The following MFHAS1 variants were observed in gnomAD, a reference collection of about 807,000 sequenced individuals.
MFHAS1 encodes the protein malignant fibrous histiocytoma-amplified sequence 1.
Under a neutral mutation model 70.4 loss-of-function variants are expected in MFHAS1, and 50 were observed. The ratio of observed to expected loss-of-function variants is 0.71; its 90% CI spans 0.57 to 0.90. The LOEUF (loss-of-function observed/expected upper bound fraction) is 0.90. Among genes scored for constraint, MFHAS1 ranks in the 40% least tolerant of loss-of-function variants. MFHAS1 has a pLI of 0.00. For missense variants in MFHAS1, 1,795 were observed against 1,347.6 expected (o/e 1.33, Z -5.20); for synonymous variants, 952 against 620.0 (o/e 1.54, Z -7.96).
In MFHAS1 at chr8:8,784,022, AGATATT is replaced by A. The variant is rs1432518007; in HGVS notation, c.*1994_*1999del. 1 of 152,192 alleles carries A rather than the reference AGATATT, an allele frequency of 6.6e-6. No individual in the cohort carries two copies. Among genetic ancestry groups the A allele is most frequent in the Non-Finnish European group, 1.5e-5 (1 of 68,030 alleles). 9.4% of individuals were successfully genotyped at this position (152,192 alleles called of 1,614,324 possible). ...TAAAACATCACTGGTCAAAAATATT[AGATATT>A]AAGAATGTGGGCGTTTATGTTCGTA... is the stretch of plus-strand genomic sequence containing the variant. On this transcript the variant is annotated 3_prime_UTR_variant, in exon 3 of 3. Coordinates refer to ENST00000276282, the MANE Select transcript of MFHAS1 (RefSeq NM_004225.3).
At chr8:8,879,781 C>T (rs968568665) in intron 1 of MFHAS1, among the ~76,000 whole-genome samples, 7 of 152,168 alleles carry the variant, frequency 4.6e-5, no homozygotes, top group Non-Finnish European at 1.5e-5. Flanking sequence ...ATTTTATTTT[C>T]CTAGAACTCC....
At chr8:8,812,197 T>A (rs1806574867) in intron 1 of MFHAS1, among the ~76,000 whole-genome samples, 1 of 152,120 alleles carries the variant, frequency 6.6e-6, no homozygotes, top group African/African-American at 2.4e-5. Flanking sequence ...AATGTCCTCT[T>A]CTGAATCGTA....
At chr8:8,846,432 CAG>C (rs1808042835) in intron 1 of MFHAS1, among the ~76,000 whole-genome samples, 1 of 152,038 alleles carries the variant, frequency 6.6e-6, no homozygotes, top group African/African-American at 2.4e-5. Flanking sequence ...TCCAAGGTAT[CAG>C]TGTTCCTTGC....
chr8:8,888,661 A>C (rs1373992656), intron 1 of MFHAS1, among the ~76,000 whole-genome samples: 1 of 152,168 alleles, frequency 6.6e-6, no homozygotes, highest in Non-Finnish European at 1.5e-5. Flanking sequence ...AAAACGCAAA[A>C]CTTATGGAGA....
In MFHAS1 at chr8:8,797,427, G is replaced by A. The variant is rs763017823; in HGVS notation, c.3063C>T (p.Ser1021=). 1.5e-5 allele frequency: 24 copies of A among 1,614,002 alleles called. No individual in the cohort carries two copies. Among genetic ancestry groups the A allele is most frequent in the Non-Finnish European group, 1.8e-5 (21 of 1,180,018 alleles). ...VAEIICPKNG[S]ERVNVALVYP... ...AAACCAAGGCAACATTTACTCGCTCGCTGCCGTTCTTGGGGCAAATGATCT... is the reference window on the plus strand; with the variant it reads ...AAACCAAGGCAACATTTACTCGCTCACTGCCGTTCTTGGGGCAAATGATCT... The change falls in exon 2 of 3, where the codon AGC becomes AGT. Residue 1021 remains serine (S), a synonymous_variant. Transcript: ENST00000276282.
chr8:8,877,941 C>T (rs1297816696), intron 1 of MFHAS1, among the ~76,000 whole-genome samples: 2 of 152,178 alleles, frequency 1.3e-5, no homozygotes, highest in African/African-American at 4.8e-5. Context: ...CACCCCTAGG[C>T]CTGCTGAAGT....
At chr8:8,864,402 C>T (rs1808781919) in intron 1 of MFHAS1, among the ~76,000 whole-genome samples, 1 of 152,242 alleles carries the variant, frequency 6.6e-6, no homozygotes, top group African/African-American at 2.4e-5. Flanking sequence ...GCCCACCCTC[C>T]CACATTAGTA....
intron 2 of MFHAS1, among the ~76,000 whole-genome samples, chr8:8,788,946 C>T (rs1437217784): frequency 1.3e-5 from 2 of 152,208 alleles, no homozygotes; most frequent in East Asian, 1.9e-4. Context: ...TTGTGAGCCA[C>T]GGCCAGGAGT....
intron 1 of MFHAS1, among the ~76,000 whole-genome samples, chr8:8,827,657 A>G (rs1176000593): frequency 6.6e-6 from 1 of 152,138 alleles, no homozygotes; most frequent in Admixed American, 6.5e-5. Flanking sequence ...ATTTTTCTCC[A>G]ATATATTACT....
rs79478491 is a variant in MFHAS1, at chr8:8,787,773, C to G, written c.3126-1718G>C. ...ATAAACATTTTCCCACTGAATCTGA[C>G]AGACCTTCAGAAATGCAGACAGTCT... is the stretch of plus-strand genomic sequence containing the variant. On this transcript the variant is annotated intron_variant, in intron 2 of 2. Coordinates refer to ENST00000276282, the MANE Select transcript of MFHAS1 (RefSeq NM_004225.3). Among the ~76,000 whole-genome samples the G allele has an allele frequency of 6.4e-3, 979 of 152,322 alleles. 9 individuals carry two copies. Among genetic ancestry groups the G allele is most frequent in the African/African-American group, 0.022 (896 of 41,560 alleles).
chr8:8,819,214 G>A (rs1806856315), intron 1 of MFHAS1, among the ~76,000 whole-genome samples: 1 of 152,134 alleles, frequency 6.6e-6, no homozygotes, highest in South Asian at 2.1e-4. Context: ...CCATTTTGGG[G>A]TGGGAGACTT....
chr8:8,855,174 A>T (rs1808390950), intron 1 of MFHAS1, among the ~76,000 whole-genome samples: 1 of 152,182 alleles, frequency 6.6e-6, no homozygotes, highest in South Asian at 2.1e-4. Flanking sequence ...GCTGGTCTCG[A>T]ACTCCTGGGC....
At position 8,893,037 on chromosome 8, in the gene MFHAS1, T is replaced by G. The variant is rs1405338095; in HGVS notation, c.22A>C (p.Asn8His). The G allele has an allele frequency of 2.6e-6, 4 of 1,528,724 alleles. No homozygotes were observed. In the African/African-American group the frequency reaches 5.7e-5, roughly 22 times the overall value. The allele number at this position is 1,528,724 out of a possible 1,614,324, so 94.7% of individuals were successfully genotyped here. The stretch of plus-strand genomic sequence containing the variant: ...CGCCACAGCCTCGCGGTCTTCAGGT[T>G]GCCACTGTCCATCCCAGCCATGGCG... MAGMDSGNLKTARLWRDA... is the reference protein window; with the variant it reads MAGMDSGHLKTARLWRDA... Residue 8 changes from asparagine (N) to histidine (H), a missense_variant, in exon 1 of 3, where the codon AAC becomes CAC. By Grantham distance (68) the Asn-to-His change is moderately conservative. Transcript: ENST00000276282.
chr8:8,890,998 C>G lies in MFHAS1; in HGVS notation c.2061G>C (p.Ala687=), dbSNP rs550387774. ...TCAGACCCGCCTGCAGGCCCAAGCGCGCCGAGTCCCACCAGCTTAGCCACA... is the reference window on the plus strand; with the variant it reads ...TCAGACCCGCCTGCAGGCCCAAGCGGGCCGAGTCCCACCAGCTTAGCCACA... ...QRLWLSWWDS[A]RLGLQAGLTE... The change falls in exon 1 of 3, where the codon GCG becomes GCC. Residue 687 remains alanine (A), a synonymous_variant. Coordinates refer to ENST00000276282, the MANE Select transcript of MFHAS1 (RefSeq NM_004225.3). 3.5e-4 allele frequency: 561 copies of G among 1,613,896 alleles called. 6 individuals are homozygous for G. In the South Asian group the frequency reaches 5.7e-3, roughly 16 times the overall value.
At chr8:8,870,095 T>G (rs917433381) in intron 1 of MFHAS1, among the ~76,000 whole-genome samples, 1 of 152,142 alleles carries the variant, frequency 6.6e-6, no homozygotes, top group African/African-American at 2.4e-5. Flanking sequence ...TAATTTAGCT[T>G]AACACCCAGA....
Position 8,784,854 on chromosome 8 carries a change from G to A in MFHAS1, c.*1168C>T, listed in dbSNP as rs1163156997. 1 of 152,172 alleles carries A rather than the reference G, an allele frequency of 6.6e-6. No individual in the cohort carries two copies. Among genetic ancestry groups the A allele is most frequent in the African/African-American group, 2.4e-5 (1 of 41,434 alleles). 9.4% of individuals were successfully genotyped at this position (152,172 alleles called of 1,614,324 possible). ...GCAATTTGTTTGGTTGGCTTTTTAAGTTTTACCTTGTGAAGATTTTAAAAC... is the reference window on the plus strand; with the variant it reads ...GCAATTTGTTTGGTTGGCTTTTTAAATTTTACCTTGTGAAGATTTTAAAAC... On this transcript the variant is annotated 3_prime_UTR_variant, in exon 3 of 3. Coordinates refer to ENST00000276282, the MANE Select transcript of MFHAS1 (RefSeq NM_004225.3).
intron 1 of MFHAS1, among the ~76,000 whole-genome samples, chr8:8,818,419 C>A (rs1806824853): frequency 6.6e-6 from 1 of 152,198 alleles, no homozygotes; most frequent in African/African-American, 2.4e-5. Flanking sequence ...ACAGAGATTT[C>A]TATTTTTCTA....
At chr8:8,807,484 A>G (rs1484469552) in intron 1 of MFHAS1, among the ~76,000 whole-genome samples, 1 of 152,156 alleles carries the variant, frequency 6.6e-6, no homozygotes, top group Non-Finnish European at 1.5e-5. Context: ...TAGCTTCTGT[A>G]TCCCACTGTG....
At chr8:8,875,452 T>C (rs554570502) in intron 1 of MFHAS1, among the ~76,000 whole-genome samples, 2 of 152,342 alleles carry the variant, frequency 1.3e-5, no homozygotes, top group East Asian at 1.9e-4. Flanking sequence ...AAATCAATAT[T>C]TGAATTATTT....
Sources: gnomAD v4.1 joint callset for allele counts (sites outside exome capture counted in the v4.1 genomes callset) on GRCh38, gnomAD v4.1.1 for gene constraint, MANE v1.5 for transcripts, NCBI Gene and HGNC (gene_info 2026-07-23, HGNC 2026-07-21) for gene names.